Variants in KHDRBS2 observed in about 807,000 individuals in gnomAD.
KHDRBS2 encodes the protein KH RNA binding domain containing, signal transduction associated 2, also known as KH domain-containing, RNA-binding, signal transduction-associated protein 2.
A neutral mutation model predicts 44.3 loss-of-function variants in KHDRBS2; 26 were observed. The ratio of observed to expected loss-of-function variants is 0.59; its 90% confidence interval spans 0.43 to 0.81. The LOEUF is 0.81. KHDRBS2 is among the 40% of genes least tolerant of loss of function. The pLI is 0.00. For synonymous variants in KHDRBS2, 194 were observed against 151.1 expected (o/e 1.28, Z -2.08); for missense variants, 476 against 433.1 (o/e 1.10, Z -0.88).
At chr6:62,134,306 G>GAC (rs1811014025) in intron 2 of KHDRBS2, among the ~76,000 whole-genome samples, 2 of 152,166 alleles carry the variant, frequency 1.3e-5, no homozygotes, top group African/African-American at 4.8e-5. Flanking sequence ...AGGGTGCCAA[G>GAC]TCTTGGCAGC....
At chr6:61,551,771 A>G in the KHDRBS2 span, among the ~76,000 whole-genome samples, 1 of 152,104 alleles carries the variant, frequency 6.6e-6, no homozygotes, top group African/African-American at 2.4e-5. Flanking sequence ...GTAGCCTTGT[A>G]ATATAGTTTG....
the KHDRBS2 span, among the ~76,000 whole-genome samples, chr6:61,628,241 TC>T: frequency 0.048 from 649 of 13,388 alleles, 181 homozygotes; most frequent in African/African-American, 0.11. Context: ...TTTTTTTTTT[TC>T]AACCTGGGCT....
chr6:61,600,493 C>T, the KHDRBS2 span, among the ~76,000 whole-genome samples: 1 of 152,134 alleles, frequency 6.6e-6, no homozygotes, highest in Non-Finnish European at 1.5e-5. Context: ...CACTACCCAC[C>T]CAAATCTTAT....
At chr6:62,079,793 C>A (rs1189281189) in intron 2 of KHDRBS2, among the ~76,000 whole-genome samples, 1 of 152,004 alleles carries the variant, frequency 6.6e-6, no homozygotes, top group Non-Finnish European at 1.5e-5. Context: ...TAAGTTTCCA[C>A]ATAATTAAAT....
chr6:61,744,762 A>C (rs1776631076), intron 6 of KHDRBS2, among the ~76,000 whole-genome samples: 1 of 152,008 alleles, frequency 6.6e-6, no homozygotes, highest in African/African-American at 2.4e-5. Flanking sequence ...AGTTCTATAT[A>C]ACATTTTACC....
intron 2 of KHDRBS2, among the ~76,000 whole-genome samples, chr6:62,157,776 G>A (rs568466772): frequency 6.6e-6 from 1 of 152,182 alleles, no homozygotes; most frequent in African/African-American, 2.4e-5. Context: ...AGCATAAAGA[G>A]AAATAATGTT....
chr6:61,850,856 A>G (rs1795306469), intron 6 of KHDRBS2, among the ~76,000 whole-genome samples: 1 of 152,178 alleles, frequency 6.6e-6, no homozygotes, highest in South Asian at 2.1e-4. Flanking sequence ...TAGAACCTCA[A>G]TCATTCTCCC....
At chr6:61,555,714 C>A in the KHDRBS2 span, among the ~76,000 whole-genome samples, 1 of 152,248 alleles carries the variant, frequency 6.6e-6, no homozygotes, top group South Asian at 2.1e-4. Context: ...CTTTGATGCC[C>A]TTAGGGGTTT....
intron 6 of KHDRBS2, among the ~76,000 whole-genome samples, chr6:61,734,474 A>G (rs1775004004): frequency 6.6e-6 from 1 of 152,044 alleles, no homozygotes; most frequent in Non-Finnish European, 1.5e-5. Flanking sequence ...GTTATTAAGT[A>G]ATATAGCTAA....
chr6:62,187,726 G>T (rs560641123), intron 1 of KHDRBS2, among the ~76,000 whole-genome samples: 1 of 152,038 alleles, frequency 6.6e-6, no homozygotes, highest in Admixed American at 6.6e-5. Flanking sequence ...GACGTTGTTT[G>T]CTCTTTGTGT....
At chr6:62,181,518 G>A (rs1038007022) in intron 1 of KHDRBS2, among the ~76,000 whole-genome samples, 1 of 151,934 alleles carries the variant, frequency 6.6e-6, no homozygotes, top group African/African-American at 2.4e-5. Context: ...CTGTTAGGAT[G>A]GCTATTATTG....
intron 4 of KHDRBS2, among the ~76,000 whole-genome samples, chr6:61,912,165 A>T (rs1806170548): frequency 6.6e-6 from 1 of 152,154 alleles, no homozygotes; most frequent in African/African-American, 2.4e-5. Flanking sequence ...CTTTATTTCC[A>T]TTGTCAGTAA....
chr6:61,814,434 C>T (rs2127240620), intron 6 of KHDRBS2, among the ~76,000 whole-genome samples: 1 of 152,038 alleles, frequency 6.6e-6, no homozygotes, highest in Non-Finnish European at 1.5e-5. Flanking sequence ...TGGTGAAATC[C>T]TGTCTCTACT....
At chr6:61,837,722 C>CTTATG (rs1411095385) in intron 6 of KHDRBS2, among the ~76,000 whole-genome samples, 1 of 152,002 alleles carries the variant, frequency 6.6e-6, no homozygotes, top group Non-Finnish European at 1.5e-5. Context: ...ATACAGCAGA[C>CTTATG]TACTGCCTTA....
At chr6:62,260,176 C>T (rs1838109588) in intron 1 of KHDRBS2, among the ~76,000 whole-genome samples, 1 of 151,880 alleles carries the variant, frequency 6.6e-6, no homozygotes, top group Non-Finnish European at 1.5e-5. Flanking sequence ...TTGTTTGAGG[C>T]TCAAATGAAG....
chr6:62,284,683 C>A (rs1381502725), intron 1 of KHDRBS2, among the ~76,000 whole-genome samples: 3 of 151,986 alleles, frequency 2.0e-5, no homozygotes, highest in Non-Finnish European at 4.4e-5. Flanking sequence ...GAATATAAAT[C>A]TTTTCCTAAT....
At chr6:61,809,172 A>T (rs1209615863) in intron 6 of KHDRBS2, among the ~76,000 whole-genome samples, 1 of 152,108 alleles carries the variant, frequency 6.6e-6, no homozygotes, top group Non-Finnish European at 1.5e-5. Flanking sequence ...CAAATTTACT[A>T]ATACCAGTCT....
chr6:61,756,443 A>G (rs2127570859), intron 6 of KHDRBS2, among the ~76,000 whole-genome samples: 1 of 152,112 alleles, frequency 6.6e-6, no homozygotes, highest in East Asian at 1.9e-4. Context: ...TGTGTTTAGT[A>G]GAGAGGGGGT....
chr6:61,561,954 A>T, the KHDRBS2 span, among the ~76,000 whole-genome samples: 1 of 152,160 alleles, frequency 6.6e-6, no homozygotes, highest in Non-Finnish European at 1.5e-5. Flanking sequence ...CAATACTTCC[A>T]GTTATTTCTT....
Sources: allele counts gnomAD v4.1 joint callset (sites outside exome capture counted in the v4.1 genomes callset), GRCh38; gene constraint gnomAD v4.1.1; transcripts MANE v1.5; gene names NCBI Gene and HGNC (gene_info 2026-07-23, HGNC 2026-07-21).